Variants in PCDHGA6 observed in about 807,000 individuals in gnomAD.
PCDHGA6 encodes protocadherin gamma-A6.
PCDHGA6 carries 41 observed loss-of-function variants against 60.6 expected under a neutral mutation model. The ratio of observed to expected loss-of-function variants is 0.68; its 90% CI spans 0.53 to 0.88. The LOEUF (loss-of-function observed/expected upper bound fraction) is 0.88. Ranked by LOEUF, PCDHGA6 falls within the 40% of genes least tolerant of loss-of-function variation. The pLI, the probability that PCDHGA6 is intolerant of heterozygous loss-of-function variation, is 0.00. For missense variants in PCDHGA6, 1,312 were observed against 1,203.0 expected (o/e 1.09, Z -1.34); for synonymous variants, 594 against 524.4 (o/e 1.13, Z -1.81).
Position 141,512,106 on chromosome 5 carries a change from T to A in PCDHGA6, c.*933T>A, listed in dbSNP as rs2099884076. 6.6e-6 allele frequency: 1 copy of A among 152,630 alleles called. No homozygotes were observed. Among genetic ancestry groups the A allele is most frequent in the Non-Finnish European group, 1.5e-5 (1 of 68,060 alleles). 9.5% of individuals were successfully genotyped at this position (152,630 alleles called of 1,614,324 possible). On this transcript the variant is annotated 3_prime_UTR_variant, in exon 4 of 4. Transcript: ENST00000517434. ...TAAACCAATAACTAGGCTGGACCCT[T>A]CCCACTACATAATAGGGCTCAGCCC...
At chr5:141,389,069 T>A in intron 1 of PCDHGA6, 1 of 1,614,016 alleles carries the variant, frequency 6.2e-7, no homozygotes, top group Non-Finnish European at 8.5e-7. Flanking sequence ...TATTAACTTC[T>A]TCAAGAAACA....
chr5:141,437,831 G>C (rs923199746), intron 1 of PCDHGA6, among the ~76,000 whole-genome samples: 16 of 151,256 alleles, frequency 1.1e-4, no homozygotes, highest in African/African-American at 3.4e-4. Flanking sequence ...TCTGCCTCCT[G>C]GGTTCATGCT....
At chr5:141,449,369 G>A (rs561017816) in intron 1 of PCDHGA6, among the ~76,000 whole-genome samples, 4 of 152,068 alleles carry the variant, frequency 2.6e-5, no homozygotes, top group South Asian at 4.2e-4. Flanking sequence ...CACTTTGGGA[G>A]GCTGAGGCAG....
intron 1 of PCDHGA6, chr5:141,382,795 T>A: frequency 1.0e-6 from 1 of 982,614 alleles, no homozygotes; most frequent in Non-Finnish European, 1.5e-6. Context: ...TCTATCCTGC[T>A]GGATTCTGAG....
In PCDHGA6 at chr5:141,489,911, G is replaced by A; in HGVS notation, c.2425-4896G>A. On this transcript the variant is annotated intron_variant, in intron 1 of 3. Transcript: ENST00000517434. The surrounding 1 kb of genome is among the most constrained non-coding windows in gnomAD (Gnocchi z 4.5). ...GATGGGGGGACCCCAGCCCGCTCAG[G>A]GACCACCCTTATCTCTGTCATCGTG... 3.7e-6 allele frequency: 6 copies of A among 1,614,198 alleles called. No individual in the cohort carries two copies. Among genetic ancestry groups the A allele is most frequent in the Non-Finnish European group, 5.1e-6 (6 of 1,180,042 alleles).
intron 1 of PCDHGA6, among the ~76,000 whole-genome samples, chr5:141,397,265 A>G (rs2093498946): frequency 6.6e-6 from 1 of 152,210 alleles, no homozygotes; most frequent in Non-Finnish European, 1.5e-5. Context: ...TTTCTTAGCT[A>G]CATCATATGG....
chr5:141,482,126 A>G (rs1235540230), intron 1 of PCDHGA6, among the ~76,000 whole-genome samples: 1 of 152,004 alleles, frequency 6.6e-6, no homozygotes, highest in Non-Finnish European at 1.5e-5. Flanking sequence ...TGGGAGAATC[A>G]TATGGCTGGC....
In PCDHGA6 at chr5:141,432,172, C is replaced by G. The variant is rs562175068; in HGVS notation, c.2424+55665C>G. On this transcript the variant is annotated intron_variant, in intron 1 of 3. Transcript: ENST00000517434. This position sits in a 1 kb window ranked among gnomAD's most constrained non-coding sequence, Gnocchi z 6.0. ...AGAACAATCCCAGAGGAGTTTCCCTCGTCTCTGTGACCGCCCACGACCCCG... is the reference window on the plus strand; with the variant it reads ...AGAACAATCCCAGAGGAGTTTCCCTGGTCTCTGTGACCGCCCACGACCCCG... 9 of 1,614,034 alleles carry G rather than the reference C, an allele frequency of 5.6e-6. No homozygotes were observed. The highest frequency in any genetic ancestry group is 7.6e-6 in the Non-Finnish European group (9 of 1,180,046).
chr5:141,457,949 C>G (rs2098933653), intron 1 of PCDHGA6, among the ~76,000 whole-genome samples: 1 of 152,192 alleles, frequency 6.6e-6, no homozygotes. Flanking sequence ...CTCTGCATGT[C>G]AAGCTTGATT....
intron 1 of PCDHGA6, chr5:141,383,360 T>C (rs1319923403): frequency 6.2e-7 from 1 of 1,614,006 alleles, no homozygotes; most frequent in Admixed American, 1.7e-5. Flanking sequence ...CGGTTTCCGT[T>C]AAGCGAGGCT....
At position 141,438,611 on chromosome 5, in the gene PCDHGA6, TATATATATATATATATATATATATACAC is replaced by T. The variant is rs1434670383; in HGVS notation, c.2425-56194_2425-56167del. On this transcript the variant is annotated intron_variant, in intron 1 of 3. Transcript: ENST00000517434. ...ACATACATATATATATATATATATA[TATATATATATATATATATATATATACAC>T]ACACACACACACATATATGTATATA... Among the ~76,000 whole-genome samples the T allele has an allele frequency of 2.7e-3, 107 of 39,370 alleles. 2 individuals are homozygous for T. Among genetic ancestry groups the T allele is most frequent in the Admixed American group, 0.019 (57 of 3,044 alleles). The allele number at this position is 39,370 out of a possible 152,430, so 25.8% of individuals were successfully genotyped here.
In PCDHGA6 at chr5:141,505,380, A is replaced by C; in HGVS notation, c.2484-13A>C. On this transcript the variant is annotated splice_polypyrimidine_tract_variant and intron_variant, in intron 2 of 3. Coordinates refer to ENST00000517434, the MANE Select transcript of PCDHGA6 (RefSeq NM_018919.3). ...CCTGGGAGTCTGTGCTCACCATCCT[A>C]CTCTCTCCCCAGCTCCCAAAATGGC... 1 of 1,613,480 alleles carries C rather than the reference A, an allele frequency of 6.2e-7. No homozygotes were observed. Among genetic ancestry groups the C allele is most frequent in the Non-Finnish European group, 8.5e-7 (1 of 1,179,856 alleles).
Position 141,430,120 on chromosome 5 carries a change from G to A in PCDHGA6, c.2424+53613G>A, listed in dbSNP as rs73280905. Among the ~76,000 whole-genome samples, 1,257 of 152,134 alleles carry A rather than the reference G, an allele frequency of 8.3e-3. 17 individuals are homozygous for A. Among genetic ancestry groups the A allele is most frequent in the African/African-American group, 0.029 (1,193 of 41,506 alleles). Reference sequence around the variant, plus strand: ...TTAAGCGTTACATGTCAACAACCTGGTAAAGTAATCCTTCCATTCAGGATC... The same window carrying A: ...TTAAGCGTTACATGTCAACAACCTGATAAAGTAATCCTTCCATTCAGGATC... On this transcript the variant is annotated intron_variant, in intron 1 of 3. Coordinates refer to ENST00000517434, the MANE Select transcript of PCDHGA6 (RefSeq NM_018919.3).
intron 1 of PCDHGA6, chr5:141,403,959 C>T (rs1415465011): frequency 2.5e-6 from 4 of 1,613,568 alleles, no homozygotes; most frequent in Non-Finnish European, 3.4e-6. Context: ...GTGCTCATTT[C>T]GGTGGAAGAT....
intron 2 of PCDHGA6, among the ~76,000 whole-genome samples, chr5:141,498,039 A>G (rs2099781185): frequency 6.6e-6 from 1 of 152,264 alleles, no homozygotes; most frequent in Non-Finnish European, 1.5e-5. Flanking sequence ...CCAAATAATT[A>G]CAAAAATAAA....
Position 141,392,778 on chromosome 5 carries a change from G to A in PCDHGA6, c.2424+16271G>A, listed in dbSNP as rs375878103. ...ACTAAATAAGACCCATTTATGCACA[G>A]TGAAGATTCTGAGAGGATTCTGCAG... On this transcript the variant is annotated intron_variant, in intron 1 of 3. Coordinates refer to ENST00000517434, the MANE Select transcript of PCDHGA6 (RefSeq NM_018919.3). 5 of 1,533,872 alleles carry A rather than the reference G, an allele frequency of 3.3e-6. No homozygotes were observed. The African/African-American group carries it at 6.9e-5, about 21-fold the overall frequency.
intron 1 of PCDHGA6, 169 bp downstream of exon 1, chr5:141,376,676 G>GGTTTTTTTTT (rs1773026765): frequency 3.6e-6 from 1 of 275,812 alleles, no homozygotes; most frequent in Middle Eastern, 1.2e-3. Context: ...TGAGGGTATC[G>GGTTTTTTTTT]TTTTTTTTTT....
At position 141,505,499 on chromosome 5, in the gene PCDHGA6, G is replaced by A. The variant is rs753203943; in HGVS notation, c.2572+18G>A. ...CGCCAGTGGTAAGTGGTGTCAGTGT[G>A]TGTATGGAAGAGTGGGAGACCTGGG... is the stretch of plus-strand genomic sequence containing the variant. On this transcript the variant is annotated intron_variant, in intron 3 of 3. Transcript: ENST00000517434. 6.2e-7 allele frequency: 1 copy of A among 1,614,172 alleles called. No homozygotes were observed. The highest frequency in any genetic ancestry group is 8.5e-7 in the Non-Finnish European group (1 of 1,179,982).
intron 1 of PCDHGA6, among the ~76,000 whole-genome samples, chr5:141,455,146 A>G (rs2098814943): frequency 6.7e-6 from 1 of 149,242 alleles, no homozygotes; most frequent in South Asian, 2.1e-4. Flanking sequence ...TGTTAAATAA[A>G]TATTAGTTTG....
Sources: allele counts gnomAD v4.1 joint callset (sites outside exome capture counted in the v4.1 genomes callset), GRCh38; gene constraint gnomAD v4.1.1; non-coding constraint Gnocchi (gnomAD v3.1); transcripts MANE v1.5; gene names NCBI Gene and HGNC (gene_info 2026-07-23, HGNC 2026-07-21).